The following CPVL variants were observed in gnomAD, a reference collection of about 807,000 sequenced individuals.
CPVL encodes carboxypeptidase vitellogenic like.
Under a neutral mutation model 63.7 loss-of-function variants are expected in CPVL, and 51 were observed. That is an observed-to-expected ratio of 0.80 (90% CI 0.64 to 1.01). The LOEUF is 1.01. Ranked by LOEUF, CPVL falls within the 50% of genes least tolerant of loss-of-function variation. The pLI is 0.00. For missense variants in CPVL, 530 were observed against 573.1 expected, an observed-to-expected ratio of 0.92 and a Z score of 0.77; for synonymous variants, 195 against 206.0, an observed-to-expected ratio of 0.95 and a Z score of 0.46.
intron 3 of CPVL, among the ~76,000 whole-genome samples, chr7:29,110,992 A>C (rs904777486): frequency 1.3e-5 from 2 of 152,240 alleles, no homozygotes; most frequent in Non-Finnish European, 2.9e-5. Context: ...AAGAGGCAAG[A>C]AAAGAGATTC....
At chr7:28,996,258 G>C (rs11978941) in intron 12 of CPVL, 14,316 of 167,818 alleles carry the variant, frequency 0.085, 684 homozygotes, top group Middle Eastern at 0.13. Flanking sequence ...TGGGGTATGT[G>C]AGGTCTGCCT....
chr7:29,075,956 G>GTTTTTCTT (rs1554335828), intron 7 of CPVL, among the ~76,000 whole-genome samples: 1 of 110,336 alleles, frequency 9.1e-6, no homozygotes, highest in African/African-American at 3.5e-5. Flanking sequence ...TGTTGAGATA[G>GTTTTTCTT]TTTTTTTTTT....
chr7:29,039,678 C>T (rs1303727505), intron 11 of CPVL, among the ~76,000 whole-genome samples: 1 of 151,452 alleles, frequency 6.6e-6, no homozygotes, highest in African/African-American at 2.4e-5. Flanking sequence ...AAAAAAAGCA[C>T]ACATGTTACT....
chr7:29,040,772 T>C (rs558205420), intron 11 of CPVL, among the ~76,000 whole-genome samples: 1 of 152,264 alleles, frequency 6.6e-6, no homozygotes, highest in Non-Finnish European at 1.5e-5. Flanking sequence ...GTCCAGCGAT[T>C]ATATAAATAA....
upstream of CPVL, chr7:29,195,319 C>A (rs1783543909): frequency 9.7e-6 from 3 of 309,916 alleles, no homozygotes; most frequent in South Asian, 2.4e-4. Context: ...CGGGGGCTGG[C>A]GGGGCGGAGA....
chr7:29,072,896 T>C (rs2128577951), intron 7 of CPVL, among the ~76,000 whole-genome samples: 1 of 152,332 alleles, frequency 6.6e-6, no homozygotes, highest in South Asian at 2.1e-4. Context: ...TATTGGCCAC[T>C]AAAATTTTCA....
At chr7:29,133,839 A>G (rs951428223) in intron 1 of CPVL, among the ~76,000 whole-genome samples, 2 of 152,240 alleles carry the variant, frequency 1.3e-5, no homozygotes, top group Non-Finnish European at 2.9e-5. Context: ...TATAAATAAG[A>G]AACAAGCTAA....
At chr7:29,101,573 C>T (rs900969314) in intron 3 of CPVL, among the ~76,000 whole-genome samples, 1 of 152,038 alleles carries the variant, frequency 6.6e-6, no homozygotes, top group African/African-American at 2.4e-5. Flanking sequence ...CCAGCCTGGG[C>T]GACAGAGCGA....
At chr7:29,177,677 T>C (rs191953890) in intron 5 of CPVL, among the ~76,000 whole-genome samples, 4 of 152,128 alleles carry the variant, frequency 2.6e-5, no homozygotes, top group East Asian at 1.9e-4. Flanking sequence ...TATTTATCTA[T>C]CTGTCCATCC....
chr7:29,073,969 ACAGCATCT>A (rs2128579322), intron 7 of CPVL, among the ~76,000 whole-genome samples: 1 of 152,316 alleles, frequency 6.6e-6, no homozygotes. Flanking sequence ...CAGACCCTTC[ACAGCATCT>A]CCAAGGCCCT....
chr7:29,076,412 A>G (rs1463240328), intron 7 of CPVL, among the ~76,000 whole-genome samples: 4 of 149,894 alleles, frequency 2.7e-5, no homozygotes, highest in Non-Finnish European at 6.0e-5. Context: ...ATAAAAGCTC[A>G]GAGCAATACC....
intron 11 of CPVL, among the ~76,000 whole-genome samples, chr7:29,035,555 G>A (rs1039599889): frequency 7.9e-5 from 12 of 152,164 alleles, no homozygotes; most frequent in African/African-American, 2.9e-4. Flanking sequence ...GTGTGTGAGG[G>A]CATTACTCAC....
At chr7:29,036,943 A>G (rs1413831391) in intron 11 of CPVL, among the ~76,000 whole-genome samples, 1 of 152,162 alleles carries the variant, frequency 6.6e-6, no homozygotes, top group Non-Finnish European at 1.5e-5. Flanking sequence ...CAGGTGACTG[A>G]AATTCAAGTT....
chr7:29,014,181 T>C (rs1369218765), intron 12 of CPVL, among the ~76,000 whole-genome samples: 3 of 152,108 alleles, frequency 2.0e-5, no homozygotes, highest in African/African-American at 7.2e-5. Flanking sequence ...CAGATTTCCA[T>C]AAGTGGACAG....
intron 6 of CPVL, among the ~76,000 whole-genome samples, chr7:29,089,848 C>T (rs1785590620): frequency 6.7e-6 from 1 of 150,158 alleles, no homozygotes; most frequent in Non-Finnish European, 1.5e-5. Context: ...ACCTCCATCT[C>T]ACCATTGAAT....
intron 3 of CPVL, among the ~76,000 whole-genome samples, chr7:29,097,258 T>C (rs1225701930): frequency 2.0e-5 from 3 of 152,240 alleles, no homozygotes; most frequent in African/African-American, 7.2e-5. Flanking sequence ...TTTTCAACTA[T>C]TTCATTCAAT....
intron 7 of CPVL, among the ~76,000 whole-genome samples, chr7:29,080,673 G>A (rs956902522): frequency 6.6e-6 from 1 of 151,702 alleles, no homozygotes; most frequent in Non-Finnish European, 1.5e-5. Flanking sequence ...ATTAAGCACC[G>A]TGCTTAGTAT....
At chr7:29,156,796 A>G (rs948498450) in intron 5 of CPVL, among the ~76,000 whole-genome samples, 1 of 140,298 alleles carries the variant, frequency 7.1e-6, no homozygotes, top group African/African-American at 2.7e-5. Flanking sequence ...GAAAAAGTCC[A>G]AGAAGTCATA....
At chr7:29,173,035 G>A (rs566655280) in intron 5 of CPVL, among the ~76,000 whole-genome samples, 1 of 151,606 alleles carries the variant, frequency 6.6e-6, no homozygotes, top group South Asian at 2.1e-4. Flanking sequence ...GGAGCCTGGG[G>A]AAGGAGAATC....
Sources: gnomAD v4.1 joint callset for allele counts (sites outside exome capture counted in the v4.1 genomes callset) on GRCh38, gnomAD v4.1.1 for gene constraint, MANE v1.5 for transcripts, NCBI Gene and HGNC (gene_info 2026-07-23, HGNC 2026-07-21) for gene names.